GRM8: variants seen among roughly 807,000 people sequenced by gnomAD.
The protein encoded by GRM8 is metabotropic glutamate receptor 8.
In GRM8, 47 loss-of-function variants were observed where a neutral mutation model predicts 87.2. That is an observed-to-expected ratio of 0.54 (90% CI 0.43 to 0.69). The LOEUF is 0.69. Among genes scored for constraint, GRM8 ranks in the 30% least tolerant of loss-of-function variants. GRM8 has a pLI of 0.00. For missense variants in GRM8, 1,019 were observed against 1,139.2 expected, an observed-to-expected ratio of 0.89 and a Z score of 1.52; for synonymous variants, 396 against 404.5, an observed-to-expected ratio of 0.98 and a Z score of 0.25.
At chr7:127,175,639 C>A (rs1794060994) in intron 2 of GRM8, among the ~76,000 whole-genome samples, 1 of 152,144 alleles carries the variant, frequency 6.6e-6, no homozygotes, top group Non-Finnish European at 1.5e-5. Flanking sequence ...AGAATTACAG[C>A]AGACTTCTCA....
At chr7:126,934,494 C>T (rs533396613) in intron 3 of GRM8, among the ~76,000 whole-genome samples, 3 of 152,114 alleles carry the variant, frequency 2.0e-5, no homozygotes, top group South Asian at 2.1e-4. Flanking sequence ...AAATGACTGG[C>T]AATATTAAAG....
At chr7:127,130,615 T>A (rs17869212) in intron 2 of GRM8, among the ~76,000 whole-genome samples, 5,098 of 152,188 alleles carry the variant, frequency 0.033, 110 homozygotes, top group South Asian at 0.097. Context: ...CAGAAGAAAT[T>A]TCTGGGATGA....
chr7:127,095,892 T>A (rs1297682811), intron 3 of GRM8: 1 of 152,220 alleles, frequency 6.6e-6, no homozygotes, highest in Non-Finnish European at 1.5e-5. Flanking sequence ...TGTCTCTGTA[T>A]CCTCAAAGCC....
At chr7:127,008,629 T>C (rs905775154) in intron 3 of GRM8, among the ~76,000 whole-genome samples, 4 of 152,162 alleles carry the variant, frequency 2.6e-5, no homozygotes, top group African/African-American at 9.6e-5. Context: ...TGTTTTTGTC[T>C]TGTAATGGCA....
chr7:127,184,295 TATAC>T (rs983528680), intron 2 of GRM8, among the ~76,000 whole-genome samples: 8 of 151,852 alleles, frequency 5.3e-5, no homozygotes, highest in African/African-American at 1.9e-4. Context: ...TAAAAATAAT[TATAC>T]ATCATGACCA....
intron 8 of GRM8, among the ~76,000 whole-genome samples, chr7:126,576,585 C>A (rs1313905453): frequency 6.6e-6 from 1 of 152,126 alleles, no homozygotes; most frequent in Non-Finnish European, 1.5e-5. Flanking sequence ...ACCCGGCCCC[C>A]AGCTTTTAAT....
intron 7 of GRM8, among the ~76,000 whole-genome samples, chr7:126,646,206 GA>G (rs1290924412): frequency 6.6e-6 from 1 of 151,556 alleles, no homozygotes; most frequent in Non-Finnish European, 1.5e-5. Flanking sequence ...ATTAAAGGAA[GA>G]AGTGACTTCA....
In GRM8 at chr7:127,160,535, GCA is replaced by G. The variant is rs139597501; in HGVS notation, c.511-53825_511-53824del. Among the ~76,000 whole-genome samples, 21 of 140,356 alleles carry G rather than the reference GCA, an allele frequency of 1.5e-4. No individual in the cohort carries two copies. The South Asian group carries it at 2.5e-3, about 17-fold the overall frequency. The allele number at this position is 140,356 out of a possible 152,430, so 92.1% of individuals were successfully genotyped here. ...TGTAAGGAGGCTCCATCACGCGCGCGCACACACACACACACACACCCCTCACA... is the reference window on the plus strand; with the variant it reads ...TGTAAGGAGGCTCCATCACGCGCGCGCACACACACACACACACCCCTCACA... On this transcript the variant is annotated intron_variant, in intron 2 of 10. Transcript: ENST00000339582.
At chr7:127,216,540 A>C (rs1430040782) in intron 2 of GRM8, among the ~76,000 whole-genome samples, 16 of 151,324 alleles carry the variant, frequency 1.1e-4, no homozygotes, top group Admixed American at 5.9e-4. Context: ...AAAAACAAAA[A>C]AAAAAAAAGA....
intron 2 of GRM8, among the ~76,000 whole-genome samples, chr7:127,116,680 A>G (rs1020385270): frequency 2.0e-5 from 3 of 152,184 alleles, no homozygotes; most frequent in African/African-American, 7.2e-5. Context: ...AGGAATGAAC[A>G]CTGAACACCA....
At chr7:127,147,424 C>G (rs895905890) in intron 2 of GRM8, among the ~76,000 whole-genome samples, 2 of 152,036 alleles carry the variant, frequency 1.3e-5, no homozygotes, top group Non-Finnish European at 2.9e-5. Context: ...TAAACCCTTT[C>G]GTAATGCTCT....
chr7:126,595,009 T>C (rs1227869888), intron 8 of GRM8, among the ~76,000 whole-genome samples: 1 of 152,044 alleles, frequency 6.6e-6, no homozygotes, highest in Non-Finnish European at 1.5e-5. Context: ...GGTACATTCA[T>C]CATTAGAGTA....
intron 7 of GRM8, among the ~76,000 whole-genome samples, chr7:126,729,488 T>C (rs374641878): frequency 9.8e-5 from 15 of 152,334 alleles, no homozygotes; most frequent in African/African-American, 2.2e-4. Flanking sequence ...GCCCATATCC[T>C]ATATGCCGTG....
intron 7 of GRM8, among the ~76,000 whole-genome samples, chr7:126,643,604 G>C (rs1477142388): frequency 1.3e-5 from 2 of 151,862 alleles, no homozygotes; most frequent in Non-Finnish European, 2.9e-5. Flanking sequence ...AATATCATAG[G>C]ATTTTAAAAA....
At chr7:126,843,740 C>T (rs1190978377) in intron 6 of GRM8, among the ~76,000 whole-genome samples, 1 of 152,150 alleles carries the variant, frequency 6.6e-6, no homozygotes, top group Admixed American at 6.5e-5. Flanking sequence ...TTCTGTGAGC[C>T]AGGGAGGAAC....
chr7:126,675,814 C>T (rs910785432), intron 7 of GRM8, among the ~76,000 whole-genome samples: 7 of 152,272 alleles, frequency 4.6e-5, no homozygotes, highest in African/African-American at 1.7e-4. Flanking sequence ...GAAAGGCTCA[C>T]CCCTAAGAAC....
At chr7:127,176,131 A>G (rs1246854529) in intron 2 of GRM8, among the ~76,000 whole-genome samples, 1 of 152,220 alleles carries the variant, frequency 6.6e-6, no homozygotes, top group African/African-American at 2.4e-5. Context: ...GGATATAGAC[A>G]AGTTAAAAAT....
intron 2 of GRM8, among the ~76,000 whole-genome samples, chr7:127,140,682 T>C (rs1328687323): frequency 1.3e-5 from 2 of 152,090 alleles, no homozygotes; most frequent in Admixed American, 6.5e-5. Context: ...GCCACCCAGC[T>C]TTAGGGTCAC....
At chr7:126,919,079 T>C (rs1005687299) in intron 3 of GRM8, among the ~76,000 whole-genome samples, 1 of 151,874 alleles carries the variant, frequency 6.6e-6, no homozygotes, top group African/African-American at 2.4e-5. Context: ...GCTTAGCTTG[T>C]TTAAAAAAAA....
Sources: allele counts gnomAD v4.1 joint callset (sites outside exome capture counted in the v4.1 genomes callset), GRCh38; gene constraint gnomAD v4.1.1; transcripts MANE v1.5; gene names NCBI Gene and HGNC (gene_info 2026-07-23, HGNC 2026-07-21).